HFM1: variants seen among roughly 807,000 people sequenced by gnomAD.
The protein encoded by HFM1 is helicase for meiosis 1.
A neutral mutation model predicts 192.1 loss-of-function variants in HFM1; 169 were observed. The ratio of observed to expected loss-of-function variants is 0.88; its 90% CI spans 0.78 to 1.00. The LOEUF is 1.00. Ranked by LOEUF, HFM1 falls within the 50% of genes least tolerant of loss-of-function variation. The pLI, the probability that HFM1 is intolerant of heterozygous loss-of-function variation, is 0.00. For missense variants in HFM1, 1,661 were observed against 1,668.0 expected, an observed-to-expected ratio of 1.00 and a Z score of 0.07; for synonymous variants, 525 against 537.8, an observed-to-expected ratio of 0.98 and a Z score of 0.33.
intron 13 of HFM1, among the ~76,000 whole-genome samples, chr1:91,353,654 A>C (rs868704636): frequency 0.098 from 12,566 of 128,568 alleles, 720 homozygotes; most frequent in Non-Finnish European, 0.12. Flanking sequence ...TAAATAAGCA[A>C]AAAAAAAAAA....
intron 33 of HFM1, 113 bp from the exon 34 acceptor site, chr1:91,273,928 A>G (rs1352781790): frequency 8.1e-6 from 5 of 619,584 alleles, no homozygotes; most frequent in South Asian, 4.4e-5. Context: ...TAACACTTCT[A>G]TGATACACTG....
intron 29 of HFM1, 27 bp downstream of exon 29, chr1:91,313,930 A>C: frequency 8.4e-7 from 1 of 1,194,404 alleles, no homozygotes. Flanking sequence ...ATTTATATTC[A>C]TGTCTTCATT....
chr1:91,387,328 G>A (rs999532738), intron 4 of HFM1, among the ~76,000 whole-genome samples: 3 of 151,484 alleles, frequency 2.0e-5, no homozygotes, highest in East Asian at 1.9e-4. Flanking sequence ...AAGCGACGTC[G>A]CTATGAACGC....
At chr1:91,407,561 G>A (rs141263615), upstream of HFM1, among the ~76,000 whole-genome samples, 353 of 152,240 alleles carry the variant, frequency 2.3e-3, 8 homozygotes, top group Admixed American at 0.02. Context: ...CCATGTTGTA[G>A]CATGGATCAG....
At chr1:91,365,243 T>C (rs1322828024) in intron 13 of HFM1, among the ~76,000 whole-genome samples, 6 of 152,016 alleles carry the variant, frequency 3.9e-5, no homozygotes, top group African/African-American at 9.7e-5. Flanking sequence ...TCAAAGGATA[T>C]ACAGAAAAGC....
chr1:91,266,478 G>C lies in HFM1; in HGVS notation c.3884-371C>G, dbSNP rs547169431. 1.1e-4 allele frequency among the ~76,000 whole-genome samples: 17 copies of C among 152,258 alleles called. No homozygotes were observed. In the South Asian group the frequency reaches 3.3e-3, roughly 30 times the overall value. On this transcript the variant is annotated intron_variant, in intron 35 of 38. Transcript: ENST00000370425. ...GTGGGAAAAAACCCACACCCATTTG[G>C]TCATAGATGTCTTCTGGGCTGATCA...
Position 91,387,091 on chromosome 1 carries a change from C to T in HFM1, c.495-1257G>A, listed in dbSNP as rs528943035. 8.5e-5 allele frequency among the ~76,000 whole-genome samples: 13 copies of T among 152,194 alleles called. 1 individual carries two copies. The South Asian group carries it at 2.3e-3, about 27-fold the overall frequency. ...CAATATCCCTAAGGGATGAAGTAAC[C>T]GTTAAGGTTCCTAATAAAACATTCA... On this transcript the variant is annotated intron_variant, in intron 4 of 38. Coordinates refer to ENST00000370425, the MANE Select transcript of HFM1 (RefSeq NM_001017975.6).
At chr1:91,394,423 A>C (rs183415888) in intron 3 of HFM1, 21 bp from the exon 4 acceptor site, 2 of 1,286,784 alleles carry the variant, frequency 1.6e-6, no homozygotes, top group Non-Finnish European at 2.2e-6. Context: ...GGAATATCTT[A>C]ATTATTACAT....
intron 30 of HFM1, among the ~76,000 whole-genome samples, chr1:91,294,312 AC>A (rs1378347169): frequency 1.3e-5 from 2 of 152,200 alleles, no homozygotes; most frequent in African/African-American, 4.8e-5. Flanking sequence ...TTTTTGTGAA[AC>A]ACAATTCAAA....
intron 36 of HFM1, among the ~76,000 whole-genome samples, chr1:91,263,529 T>C (rs1035407493): frequency 3.3e-5 from 5 of 151,486 alleles, no homozygotes; most frequent in Non-Finnish European, 5.9e-5. Flanking sequence ...ACAGCTTGAG[T>C]CCAGGAGTTT....
At chr1:91,320,558 A>G (rs1412169650) in intron 23 of HFM1, among the ~76,000 whole-genome samples, 3 of 152,224 alleles carry the variant, frequency 2.0e-5, no homozygotes, top group African/African-American at 7.2e-5. Flanking sequence ...AGACTTTTGA[A>G]GTAATATTTA....
At chr1:91,272,578 T>C (rs1666406592) in intron 34 of HFM1, among the ~76,000 whole-genome samples, 2 of 152,040 alleles carry the variant, frequency 1.3e-5, no homozygotes, top group African/African-American at 4.8e-5. Context: ...CAGGTAATAA[T>C]GTAGTAATAT....
chr1:91,291,801 CAAT>C (rs1367915087), intron 30 of HFM1, among the ~76,000 whole-genome samples: 3 of 151,970 alleles, frequency 2.0e-5, no homozygotes, highest in Non-Finnish European at 4.4e-5. Context: ...CAAAAATCCT[CAAT>C]AAAATACTGG....
At chr1:91,348,910 T>G (rs1056044421) in intron 18 of HFM1, among the ~76,000 whole-genome samples, 1 of 151,804 alleles carries the variant, frequency 6.6e-6, no homozygotes, top group Non-Finnish European at 1.5e-5. Flanking sequence ...GGCAACAGAG[T>G]GACAGCCTGT....
At chr1:91,354,627 C>G (rs1377078982) in intron 13 of HFM1, among the ~76,000 whole-genome samples, 1 of 152,004 alleles carries the variant, frequency 6.6e-6, no homozygotes, top group Admixed American at 6.6e-5. Flanking sequence ...AGGGGAATCT[C>G]CATTAGACTA....
Position 91,262,480 on chromosome 1 carries a change from C to G in HFM1, c.4086+1G>C. On this transcript the variant is annotated splice_donor_variant, in intron 37 of 38. Transcript: ENST00000370425. LOFTEE classifies it high-confidence loss of function. ...AAAAACAAAGAAGTGCTTCTTCTTA[C>G]AATAACTGCATTTCCGGCTTGTTGA... The G allele has an allele frequency of 6.3e-7, 1 of 1,584,902 alleles. No individual in the cohort carries two copies.
intron 3 of HFM1, among the ~76,000 whole-genome samples, chr1:91,395,063 T>C (rs562507095): frequency 6.6e-5 from 10 of 151,972 alleles, no homozygotes; most frequent in Non-Finnish European, 1.2e-4. Context: ...AGCTTAATAA[T>C]AAAATGAATG....
chr1:91,287,493 T>C (rs1253288894), intron 30 of HFM1, among the ~76,000 whole-genome samples: 3 of 152,022 alleles, frequency 2.0e-5, no homozygotes, highest in Admixed American at 1.3e-4. Context: ...AGAAAGGACA[T>C]CCACACCAAA....
intron 30 of HFM1, among the ~76,000 whole-genome samples, chr1:91,279,882 A>G (rs760119178): frequency 2.6e-5 from 4 of 152,138 alleles, no homozygotes; most frequent in African/African-American, 9.7e-5. Context: ...TACAGAAAAA[A>G]CATAGTGGTG....
Sources: gnomAD v4.1 joint callset for allele counts (sites outside exome capture counted in the v4.1 genomes callset) on GRCh38, gnomAD v4.1.1 for gene constraint, MANE v1.5 for transcripts, NCBI Gene and HGNC (gene_info 2026-07-23, HGNC 2026-07-21) for gene names.